Variants in SNX29 observed in about 807,000 individuals in gnomAD.
The protein encoded by SNX29 is sorting nexin 29.
SNX29 carries 78 observed loss-of-function variants against 102.1 expected under a neutral mutation model. The ratio of observed to expected loss-of-function variants is 0.76; its 90% confidence interval spans 0.64 to 0.92. The LOEUF (loss-of-function observed/expected upper bound fraction) is 0.92, where lower values mean the gene tolerates loss of function less well. SNX29 is among the 40% of genes least tolerant of loss of function. The pLI is 0.00. For synonymous variants in SNX29, 580 were observed against 414.5 expected (o/e 1.40, Z -4.85); for missense variants, 1,280 against 1,061.7 (o/e 1.21, Z -2.86).
At chr16:12,279,085 C>G (rs1038044520) in intron 15 of SNX29, among the ~76,000 whole-genome samples, 5 of 151,922 alleles carry the variant, frequency 3.3e-5, no homozygotes, top group African/African-American at 1.2e-4. Flanking sequence ...TGTAATGGTC[C>G]CTTGGTGGTA....
rs146148995 is a variant in SNX29, at chr16:12,570,179, C to G, written c.*1550C>G. 3.2e-4 allele frequency: 338 copies of G among 1,065,134 alleles called. 1 individual carries two copies. In the African/African-American group the frequency reaches 5.1e-3, roughly 16 times the overall value. The allele number at this position is 1,065,134 out of a possible 1,614,324, so 66.0% of individuals were successfully genotyped here. On this transcript the variant is annotated 3_prime_UTR_variant, in exon 21 of 21. Coordinates refer to ENST00000566228, the MANE Select transcript of SNX29 (RefSeq NM_032167.5). ...CAGCGCCCCCCCACCCCAGAGAAAC[C>G]GAGTCAGCCTACATGACTTCCAAGG...
At position 11,988,254 on chromosome 16, in the gene SNX29, A is replaced by G. The variant is rs531864045; in HGVS notation, c.8-11043A>G. On this transcript the variant is annotated intron_variant, in intron 1 of 20. Coordinates refer to ENST00000566228, the MANE Select transcript of SNX29 (RefSeq NM_032167.5). ...GATTGCAGTGAGCCAAGATCATGCC[A>G]CTGCACTCCAGCCTGGGCGACAGAG... is the stretch of plus-strand genomic sequence containing the variant. Among the ~76,000 whole-genome samples, 32 of 150,480 alleles carry G rather than the reference A, an allele frequency of 2.1e-4. 1 individual carries two copies. In the South Asian group the frequency reaches 6.7e-3, roughly 32 times the overall value.
intron 11 of SNX29, chr16:12,087,861 AGT>A (rs2052286704): frequency 2.2e-6 from 1 of 456,872 alleles, no homozygotes; most frequent in Non-Finnish European, 4.4e-6. Context: ...GGGAAGCAGC[AGT>A]GTTTTGTGTT....
intron 15 of SNX29, among the ~76,000 whole-genome samples, chr16:12,313,238 TC>T (rs1164251084): frequency 7.2e-5 from 11 of 152,124 alleles, no homozygotes; most frequent in Admixed American, 6.5e-4. Context: ...GGTCTTGAAC[TC>T]CCAACCTTAG....
intron 13 of SNX29, among the ~76,000 whole-genome samples, chr16:12,183,409 A>T (rs1217864728): frequency 6.6e-6 from 1 of 152,142 alleles, no homozygotes; most frequent in Non-Finnish European, 1.5e-5. Context: ...ACCTAGATTT[A>T]CCAACTTTTT....
At chr16:12,213,942 G>C (rs1307208554) in intron 14 of SNX29, among the ~76,000 whole-genome samples, 1 of 152,186 alleles carries the variant, frequency 6.6e-6, no homozygotes. Context: ...GGATGAGGCT[G>C]TTGGAGTCAG....
intron 16 of SNX29, among the ~76,000 whole-genome samples, chr16:12,387,908 CTGGAAGAAACA>C (rs968845166): frequency 6.6e-6 from 1 of 152,172 alleles, no homozygotes; most frequent in African/African-American, 2.4e-5. Context: ...AGGAAGAACC[CTGGAAGAAACA>C]TTCCAGAGTT....
chr16:12,294,264 C>G (rs2079902886), intron 15 of SNX29, among the ~76,000 whole-genome samples: 4 of 152,174 alleles, frequency 2.6e-5, no homozygotes, highest in Admixed American at 2.6e-4. Context: ...TGGCTCCTGT[C>G]ACCCGTCATC....
At chr16:12,411,016 A>G (rs2084376433) in intron 18 of SNX29, among the ~76,000 whole-genome samples, 1 of 152,188 alleles carries the variant, frequency 6.6e-6, no homozygotes, top group South Asian at 2.1e-4. Flanking sequence ...CAGAGAGGGA[A>G]GAATTCATTA....
At chr16:11,976,923 C>A in intron 1 of SNX29, 110 bp downstream of exon 1, 2 of 1,245,692 alleles carry the variant, frequency 1.6e-6, no homozygotes, top group Non-Finnish European at 2.0e-6. Context: ...CGCAGACCCC[C>A]TCCCAGTCGC....
At chr16:12,319,768 A>G (rs1263874908) in intron 15 of SNX29, among the ~76,000 whole-genome samples, 4 of 152,108 alleles carry the variant, frequency 2.6e-5, no homozygotes, top group African/African-American at 9.7e-5. Context: ...GATCCACACC[A>G]CAGCCCCAGG....
chr16:12,054,853 GT>G (rs2050454203), intron 8 of SNX29, among the ~76,000 whole-genome samples: 1 of 152,192 alleles, frequency 6.6e-6, no homozygotes, highest in Admixed American at 6.5e-5. Context: ...ATTATGACTT[GT>G]GAAATGTTTC....
intron 15 of SNX29, among the ~76,000 whole-genome samples, chr16:12,329,021 C>T (rs1329214409): frequency 3.3e-5 from 5 of 152,126 alleles, no homozygotes; most frequent in African/African-American, 1.2e-4. Flanking sequence ...CCTGTAATCC[C>T]AACACTTTGG....
chr16:12,152,577 C>T (rs2055346085), intron 13 of SNX29, among the ~76,000 whole-genome samples: 1 of 152,198 alleles, frequency 6.6e-6, no homozygotes. Flanking sequence ...GGGCAAACCA[C>T]CATCTTCAAA....
At chr16:12,450,624 G>A (rs574070756) in intron 18 of SNX29, among the ~76,000 whole-genome samples, 2 of 152,280 alleles carry the variant, frequency 1.3e-5, no homozygotes, top group South Asian at 4.1e-4. Context: ...CCCGGAGAGT[G>A]GTCAGGCCAC....
intron 13 of SNX29, among the ~76,000 whole-genome samples, chr16:12,162,510 C>T (rs1024092807): frequency 1.3e-5 from 2 of 152,212 alleles, no homozygotes; most frequent in East Asian, 1.9e-4. Context: ...CTGCCAGAGA[C>T]ATTACATAAA....
rs1383710889 is a variant in SNX29, at chr16:12,570,072, G to C, written c.*1443G>C. ...GAGGACATCTCTGGAGAATCATCTG[G>C]AAGGTTTATACTGTGCCTTCCCCTC... On this transcript the variant is annotated 3_prime_UTR_variant, in exon 21 of 21. Transcript: ENST00000566228. 1.4e-6 allele frequency: 1 copy of C among 696,010 alleles called. No homozygotes were observed. The highest frequency in any genetic ancestry group is 1.8e-6 in the Non-Finnish European group (1 of 542,450). The allele number at this position is 696,010 out of a possible 1,614,324, so 43.1% of individuals were successfully genotyped here.
In SNX29 at chr16:12,572,436, C is replaced by T. The variant is rs1324875423; in HGVS notation, c.*3807C>T. 1 of 1,063,694 alleles carries T rather than the reference C, an allele frequency of 9.4e-7. No individual in the cohort carries two copies. The allele number at this position is 1,063,694 out of a possible 1,614,324, so 65.9% of individuals were successfully genotyped here. ...TGGCCCAGGCCGGCAGTGGCTGCCT[C>T]TCTTGGTTCTGCATGGTACATTTTG... On this transcript the variant is annotated 3_prime_UTR_variant, in exon 21 of 21. Coordinates refer to ENST00000566228, the MANE Select transcript of SNX29 (RefSeq NM_032167.5).
chr16:12,417,991 A>C (rs1314321315), intron 18 of SNX29, among the ~76,000 whole-genome samples: 1 of 152,138 alleles, frequency 6.6e-6, no homozygotes, highest in Non-Finnish European at 1.5e-5. Context: ...GGGAAGGGGA[A>C]GGGAATAGAT....
Sources: allele counts gnomAD v4.1 joint callset (sites outside exome capture counted in the v4.1 genomes callset), GRCh38; gene constraint gnomAD v4.1.1; transcripts MANE v1.5; gene names NCBI Gene and HGNC (gene_info 2026-07-23, HGNC 2026-07-21).